TUSC3: variants seen among roughly 807,000 people sequenced by gnomAD.
The protein encoded by TUSC3 is tumor suppressor candidate 3, also known as dolichyl-diphosphooligosaccharide--protein glycosyltransferase subunit TUSC3.
TUSC3 carries 45 observed loss-of-function variants against 44.8 expected under a neutral mutation model. That is an observed-to-expected ratio of 1.00 (90% CI 0.79 to 1.29). TUSC3 has a LOEUF of 1.29. TUSC3 is among the 50% of genes most tolerant of loss of function. The pLI is 0.00. For synonymous variants in TUSC3, 212 were observed against 152.9 expected, an observed-to-expected ratio of 1.39 and a Z score of -2.85; for missense variants, 519 against 437.9, an observed-to-expected ratio of 1.19 and a Z score of -1.65.
At position 15,765,994 on chromosome 8, in the gene TUSC3, C is replaced by A. The variant is rs577974257; in HGVS notation, c.*1838C>A. 6.6e-6 allele frequency: 1 copy of A among 152,170 alleles called. No homozygotes were observed. The highest frequency in any genetic ancestry group is 2.1e-4 in the South Asian group (1 of 4,832). 9.4% of individuals were successfully genotyped at this position (152,170 alleles called of 1,614,324 possible). A position where few individuals can be genotyped will look rare whatever the true frequency, so the allele number is the denominator to read the frequency against. On this transcript the variant is annotated 3_prime_UTR_variant, in exon 11 of 11. Transcript: ENST00000503731. ...AATGATATTACAAATTATCTCTAAT[C>A]TCACTGTAAATCTTTTAATCATATC...
the TUSC3 span, among the ~76,000 whole-genome samples, chr8:15,833,697 G>A: frequency 7.0e-6 from 1 of 142,710 alleles, no homozygotes; most frequent in East Asian, 2.0e-4. Context: ...AAAGGTAGAG[G>A]GTGGGAGGAG....
At chr8:15,446,910 C>CAA (rs147065970) in intron 1 of TUSC3, among the ~76,000 whole-genome samples, 1 of 150,772 alleles carries the variant, frequency 6.6e-6, no homozygotes, top group Non-Finnish European at 1.5e-5. Context: ...GAAAAAAAAA[C>CAA]AAAGGAGGTA....
At chr8:15,658,661 A>ACAAATACAATATATATACAC (rs1563158148) in intron 3 of TUSC3, among the ~76,000 whole-genome samples, 5 of 111,480 alleles carry the variant, frequency 4.5e-5, no homozygotes, top group South Asian at 2.8e-4. Flanking sequence ...CACACACACA[A>ACAAATACAATATATATACAC]ATACAATATA....
chr8:15,782,035 T>A, the TUSC3 span, among the ~76,000 whole-genome samples: 2 of 152,186 alleles, frequency 1.3e-5, no homozygotes, highest in Non-Finnish European at 1.5e-5. Flanking sequence ...CTTGGGAGGC[T>A]GAGGCAGGAT....
Position 15,623,229 on chromosome 8 carries a change from G to GC in TUSC3, c.289dup (p.Arg97ProfsTer10). On this transcript the variant is annotated frameshift_variant, in exon 2 of 11. Coordinates refer to ENST00000503731, the MANE Select transcript of TUSC3 (RefSeq NM_006765.4). LOFTEE classifies it high-confidence loss of function. ...TTATGTTCACTGCTCTTCAGCCTCA[G>GC]CGGCAGTGTTCTGTGTGCAGGTAAT... is the stretch of plus-strand genomic sequence containing the variant. 1 of 1,609,208 alleles carries GC rather than the reference G, an allele frequency of 6.2e-7. No individual in the cohort carries two copies. The highest frequency in any genetic ancestry group is 1.3e-5 in the African/African-American group (1 of 74,940).
intron 1 of TUSC3, among the ~76,000 whole-genome samples, chr8:15,423,985 T>TG (rs1799773910): frequency 8.1e-6 from 1 of 124,112 alleles, no homozygotes; most frequent in Non-Finnish European, 1.7e-5. Context: ...TTTTTTTTTT[T>TG]TTTTTTTTTT....
intron 4 of TUSC3, among the ~76,000 whole-genome samples, chr8:15,660,805 G>T (rs1050792358): frequency 4.0e-5 from 6 of 150,618 alleles, no homozygotes; most frequent in Non-Finnish European, 8.9e-5. Context: ...TATTGAAAGG[G>T]TACTATTGTT....
intron 6 of TUSC3, among the ~76,000 whole-genome samples, chr8:15,721,183 C>T (rs1410762631): frequency 6.6e-6 from 1 of 151,976 alleles, no homozygotes; most frequent in Non-Finnish European, 1.5e-5. Context: ...AAATGAATTA[C>T]AGAGTGGTTA....
At chr8:15,738,064 CAT>C (rs757831647) in intron 7 of TUSC3, among the ~76,000 whole-genome samples, 7 of 152,088 alleles carry the variant, frequency 4.6e-5, no homozygotes, top group Non-Finnish European at 1.0e-4. Flanking sequence ...TAGTATAATT[CAT>C]ATGTCTTAAT....
intron 6 of TUSC3, among the ~76,000 whole-genome samples, chr8:15,717,380 G>C (rs1323532229): frequency 5.9e-5 from 9 of 152,052 alleles, no homozygotes; most frequent in Non-Finnish European, 1.5e-5. Flanking sequence ...GATTGTTTGA[G>C]AGTAACGAAG....
intron 2 of TUSC3, among the ~76,000 whole-genome samples, chr8:15,533,246 TC>T (rs1255470337): frequency 6.6e-6 from 1 of 152,202 alleles, no homozygotes; most frequent in Non-Finnish European, 1.5e-5. Context: ...CTCTTTTTCT[TC>T]CCGGTCTTGG....
intron 1 of TUSC3, among the ~76,000 whole-genome samples, chr8:15,440,697 T>C (rs1249866968): frequency 6.6e-6 from 1 of 152,232 alleles, no homozygotes; most frequent in Non-Finnish European, 1.5e-5. Context: ...TGCGAGCTGG[T>C]TTGTGCATGT....
chr8:15,524,792 A>C (rs1801352349), intron 2 of TUSC3, among the ~76,000 whole-genome samples: 1 of 151,030 alleles, frequency 6.6e-6, no homozygotes, highest in Non-Finnish European at 1.5e-5. Context: ...ACCCTATAAT[A>C]TGTGATATTA....
the TUSC3 span, among the ~76,000 whole-genome samples, chr8:15,813,050 C>T: frequency 2.6e-5 from 4 of 152,066 alleles, no homozygotes; most frequent in African/African-American, 7.2e-5. Flanking sequence ...GCTGAGATCG[C>T]GCCACTGCAC....
At chr8:15,773,424 A>C in the TUSC3 span, among the ~76,000 whole-genome samples, 1 of 152,028 alleles carries the variant, frequency 6.6e-6, no homozygotes, top group Non-Finnish European at 1.5e-5. Flanking sequence ...TAAAAATACA[A>C]AACATTGCTG....
In TUSC3 at chr8:15,521,866, C is replaced by T. The variant is rs79000566; in HGVS notation, n.189+38383C>T. Among the ~76,000 whole-genome samples the T allele has an allele frequency of 4.9e-3, 752 of 152,292 alleles. 6 individuals are homozygous for T. Among genetic ancestry groups the T allele is most frequent in the African/African-American group, 0.017 (709 of 41,560 alleles). On this transcript the variant is annotated intron_variant and non_coding_transcript_variant, in intron 2 of 5. Coordinates refer to the TUSC3 transcript ENST00000503191. ...AACTGCTCTGCTCTTTAAGGTTGTA[C>T]ATGGTTGAGTGACTAGCTATTAGGT...
chr8:15,844,907 G>T, the TUSC3 span, among the ~76,000 whole-genome samples: 2 of 152,076 alleles, frequency 1.3e-5, no homozygotes, highest in Non-Finnish European at 2.9e-5. Context: ...TGAGATGATC[G>T]TGAGTGGTCT....
the TUSC3 span, among the ~76,000 whole-genome samples, chr8:15,825,237 A>G: frequency 5.9e-5 from 9 of 152,128 alleles, no homozygotes; most frequent in Admixed American, 5.9e-4. Flanking sequence ...TGCTGCTGAT[A>G]AAGACATACC....
chr8:15,800,430 G>A, the TUSC3 span, among the ~76,000 whole-genome samples: 25 of 151,968 alleles, frequency 1.6e-4, no homozygotes, highest in African/African-American at 5.8e-4. Flanking sequence ...CAAATTAGCC[G>A]GGCATGGTGG....
Sources: gnomAD v4.1 joint callset for allele counts (sites outside exome capture counted in the v4.1 genomes callset) on GRCh38, gnomAD v4.1.1 for gene constraint, MANE v1.5 for transcripts, NCBI Gene and HGNC (gene_info 2026-07-23, HGNC 2026-07-21) for gene names.